MAP1LC3B: variants seen among roughly 807,000 people sequenced by gnomAD.
MAP1LC3B encodes microtubule-associated protein 1 light chain 3 beta.
Under a neutral mutation model 16.7 loss-of-function variants are expected in MAP1LC3B, and 12 were observed. The ratio of observed to expected loss-of-function variants is 0.72; its 90% confidence interval spans 0.46 to 1.16. The LOEUF is 1.16. MAP1LC3B is among the 50% of genes most tolerant of loss of function. MAP1LC3B has a pLI of 0.00. For missense variants in MAP1LC3B, 155 were observed against 159.5 expected (o/e 0.97, Z 0.15); for synonymous variants, 63 against 56.5 (o/e 1.11, Z -0.51).
At chr16:87,402,720 C>T (rs1243074480) in intron 3 of MAP1LC3B, 1 of 661,208 alleles carries the variant, frequency 1.5e-6, no homozygotes, top group Admixed American at 3.0e-5. Context: ...AGTTTAAAAT[C>T]AGCCTAATAT....
At position 87,402,335 on chromosome 16, in the gene MAP1LC3B, T is replaced by G. The variant is rs768912845; in HGVS notation, c.203+54T>G. ...ATTTCCTTTGAGTAACTTCTTATTCTTTATGAAACTTACAGTTAAATCTTT... is the reference window on the plus strand; with the variant it reads ...ATTTCCTTTGAGTAACTTCTTATTCGTTATGAAACTTACAGTTAAATCTTT... On this transcript the variant is annotated intron_variant, in intron 3 of 3. Coordinates refer to ENST00000268607, the MANE Select transcript of MAP1LC3B (RefSeq NM_022818.5). The G allele has an allele frequency of 1.3e-5, 20 of 1,490,522 alleles. No homozygotes were observed. The African/African-American group carries it at 2.7e-4, about 20-fold the overall frequency. The allele number at this position is 1,490,522 out of a possible 1,614,324, so 92.3% of individuals were successfully genotyped here.
At position 87,403,234 on chromosome 16, in the gene MAP1LC3B, G is replaced by A; in HGVS notation, c.*137G>A. The A allele has an allele frequency of 9.4e-7, 1 of 1,060,996 alleles. No individual in the cohort carries two copies. The highest frequency in any genetic ancestry group is 1.3e-6 in the Non-Finnish European group (1 of 755,334). The allele number at this position is 1,060,996 out of a possible 1,614,324, so 65.7% of individuals were successfully genotyped here. On this transcript the variant is annotated 3_prime_UTR_variant, in exon 4 of 4. Coordinates refer to ENST00000268607, the MANE Select transcript of MAP1LC3B (RefSeq NM_022818.5). ...TAGTGTTCCCACCTAGGAGTGTTAG[G>A]AAGTTGTGTTTGTGTTTCAAGCAGA...
rs776139474 is a variant in MAP1LC3B, at chr16:87,403,147, A to G, written c.*50A>G. On this transcript the variant is annotated 3_prime_UTR_variant, in exon 4 of 4. Transcript: ENST00000268607. ...AGAATTGTTTAAACCCTTACCAAGG[A>G]AAAAAAAGGGATGTTACCAACTGAG... The G allele has an allele frequency of 2.4e-5, 35 of 1,481,084 alleles. No individual in the cohort carries two copies. Among genetic ancestry groups the G allele is most frequent in the Non-Finnish European group, 2.7e-5 (29 of 1,092,560 alleles). 91.7% of individuals were successfully genotyped at this position (1,481,084 alleles called of 1,614,324 possible). A position where few individuals can be genotyped will look rare whatever the true frequency, so the allele number is the denominator to read the frequency against.
At chr16:87,398,084 G>T (rs1401933701) in intron 1 of MAP1LC3B, among the ~76,000 whole-genome samples, 1 of 151,510 alleles carries the variant, frequency 6.6e-6, no homozygotes, top group Admixed American at 6.6e-5. Flanking sequence ...GTGCAGTGGT[G>T]CAATGTCCGC....
At chr16:87,399,105 C>T (rs1907900391) in intron 2 of MAP1LC3B, 3 of 516,578 alleles carry the variant, frequency 5.8e-6, no homozygotes, top group Non-Finnish European at 1.0e-5. Context: ...ACCTTGTGCT[C>T]AAGCAGTCCT....
At chr16:87,398,359 T>TA (rs1411072677) in intron 1 of MAP1LC3B, among the ~76,000 whole-genome samples, 1 of 152,192 alleles carries the variant, frequency 6.6e-6, no homozygotes, top group African/African-American at 2.4e-5. Flanking sequence ...ACCATATCAT[T>TA]AAAAAGCTGG....
chr16:87,402,233 T>G lies in MAP1LC3B; in HGVS notation c.155T>G (p.Phe52Cys). The G allele has an allele frequency of 1.9e-6, 3 of 1,614,162 alleles. No individual in the cohort carries two copies. In the African/African-American group the frequency reaches 4.0e-5, roughly 22 times the overall value. ...KQLPVLDKTK[F>C]LVPDHVNMSE... ...CTTCCTGTTCTGGATAAAACAAAGTTCCTTGTACCTGACCATGTCAACATG... is the reference window on the plus strand; with the variant it reads ...CTTCCTGTTCTGGATAAAACAAAGTGCCTTGTACCTGACCATGTCAACATG... Residue 52 changes from phenylalanine (F) to cysteine (C), a missense_variant, in exon 3 of 4, where the codon TTC (phenylalanine) becomes TGC (cysteine). Coordinates refer to ENST00000268607, the MANE Select transcript of MAP1LC3B (RefSeq NM_022818.5).
intron 1 of MAP1LC3B, among the ~76,000 whole-genome samples, chr16:87,395,779 C>G (rs1013454121): frequency 2.0e-5 from 3 of 150,296 alleles, no homozygotes; most frequent in African/African-American, 7.4e-5. Context: ...GGGAATAAAT[C>G]AGGATAAAGA....
chr16:87,399,506 A>G (rs1907912920), intron 2 of MAP1LC3B: 1 of 423,572 alleles, frequency 2.4e-6, no homozygotes, highest in Non-Finnish European at 4.7e-6. Context: ...GTCTCACACA[A>G]TAGAACAATG....
At chr16:87,401,034 G>C (rs2150712932) in intron 2 of MAP1LC3B, among the ~76,000 whole-genome samples, 1 of 151,134 alleles carries the variant, frequency 6.6e-6, no homozygotes, top group East Asian at 2.0e-4. Flanking sequence ...TCAGGAGGCT[G>C]AGGCAGGAGA....
chr16:87,392,553 T>G (rs2150707960), intron 1 of MAP1LC3B, 86 bp downstream of exon 1: 1 of 1,158,692 alleles, frequency 8.6e-7, no homozygotes, highest in African/African-American at 1.6e-5. Context: ...CCGTGAGGGG[T>G]CGGGGCCGAG....
chr16:87,402,751 G>C, intron 3 of MAP1LC3B, 172 bp from the exon 4 acceptor site: 1 of 773,796 alleles, frequency 1.3e-6, no homozygotes, highest in Non-Finnish European at 2.0e-6. Context: ...AGTGATTATA[G>C]CTCATGTCAA....
intron 1 of MAP1LC3B, among the ~76,000 whole-genome samples, chr16:87,395,906 G>A (rs376466988): frequency 6.2e-5 from 8 of 128,972 alleles, no homozygotes; most frequent in African/African-American, 2.1e-4. Flanking sequence ...TGTCACCCAG[G>A]CTGGAGTGCA....
rs148841974 is a variant in MAP1LC3B, at chr16:87,403,896, C to G, written c.*799C>G. On this transcript the variant is annotated 3_prime_UTR_variant, in exon 4 of 4. Coordinates refer to ENST00000268607, the MANE Select transcript of MAP1LC3B (RefSeq NM_022818.5). Reference sequence around the variant, plus strand: ...GTTCAAACTAGTGCCTGTGTTGTTACGGAAAGCAGCAGTGTACCAGTGTCA... The same window carrying G: ...GTTCAAACTAGTGCCTGTGTTGTTAGGGAAAGCAGCAGTGTACCAGTGTCA... The G allele has an allele frequency of 6.6e-6, 1 of 152,164 alleles. No individual in the cohort carries two copies. Among genetic ancestry groups the G allele is most frequent in the Non-Finnish European group, 1.5e-5 (1 of 68,034 alleles). 9.4% of individuals were successfully genotyped at this position (152,164 alleles called of 1,614,324 possible).
chr16:87,401,420 C>T (rs1363467743), intron 2 of MAP1LC3B, among the ~76,000 whole-genome samples: 2 of 152,192 alleles, frequency 1.3e-5, no homozygotes, highest in Non-Finnish European at 1.5e-5. Context: ...AGCAAATGAT[C>T]ACTCTTCACA....
chr16:87,395,160 C>T (rs1349798109), intron 1 of MAP1LC3B, among the ~76,000 whole-genome samples: 1 of 152,298 alleles, frequency 6.6e-6, no homozygotes, highest in Admixed American at 6.5e-5. Context: ...TTGCAAAGAA[C>T]GTGTTCTTAA....
intron 1 of MAP1LC3B, 78 bp from the exon 2 acceptor site, chr16:87,398,737 G>T: frequency 7.7e-7 from 1 of 1,293,380 alleles, no homozygotes; most frequent in Non-Finnish European, 1.1e-6. Context: ...AGCTGAACTT[G>T]GATGGAGAAC....
intron 1 of MAP1LC3B, among the ~76,000 whole-genome samples, chr16:87,398,299 A>T (rs917857838): frequency 5.3e-5 from 8 of 152,188 alleles, no homozygotes; most frequent in Non-Finnish European, 1.2e-4. Flanking sequence ...AGGTGCTGGG[A>T]TTACAGGCAT....
At position 87,403,967 on chromosome 16, in the gene MAP1LC3B, A is replaced by G. The variant is rs1908085347; in HGVS notation, c.*870A>G. On this transcript the variant is annotated 3_prime_UTR_variant, in exon 4 of 4. Coordinates refer to ENST00000268607, the MANE Select transcript of MAP1LC3B (RefSeq NM_022818.5). ...AACACAAAATAGTATAACTGAAAAC[A>G]TTAACATTCAGACACACTCCCTTCT... The G allele has an allele frequency of 6.6e-6, 1 of 152,236 alleles. No individual in the cohort carries two copies. Among genetic ancestry groups the G allele is most frequent in the South Asian group, 2.1e-4 (1 of 4,832 alleles). The allele number at this position is 152,236 out of a possible 1,614,324, so 9.4% of individuals were successfully genotyped here.
Sources: gnomAD v4.1 joint callset for allele counts (sites outside exome capture counted in the v4.1 genomes callset) on GRCh38, gnomAD v4.1.1 for gene constraint, MANE v1.5 for transcripts, NCBI Gene and HGNC (gene_info 2026-07-23, HGNC 2026-07-21) for gene names.